AGK: variants seen among roughly 807,000 people sequenced by gnomAD.
The protein encoded by AGK is acylglycerol kinase, also known as acylglycerol kinase, mitochondrial.
In AGK, 52 loss-of-function variants were observed where a neutral mutation model predicts 66.4. The ratio of observed to expected loss-of-function variants is 0.78; its 90% CI spans 0.63 to 0.99. The LOEUF is 0.99. AGK is among the 50% of genes least tolerant of loss of function. The pLI is 0.00. For missense variants in AGK, 451 were observed against 506.6 expected, an observed-to-expected ratio of 0.89 and a Z score of 1.05; for synonymous variants, 182 against 181.1, an observed-to-expected ratio of 1.00 and a Z score of -0.04.
In AGK at chr7:141,565,710, G is replaced by A. The variant is rs1001320807; in HGVS notation, c.101+10143G>A. On this transcript the variant is annotated intron_variant, in intron 2 of 15. Transcript: ENST00000649286. ...ATCCTCCTTCATTCCCTGCATCCAG[G>A]TCATACATTCTAAAGGATTTTGCTC... Among the ~76,000 whole-genome samples, 15 of 151,568 alleles carry A rather than the reference G, an allele frequency of 9.9e-5. 1 individual carries two copies. The highest frequency in any genetic ancestry group is 7.2e-4 in the Admixed American group (11 of 15,218).
intron 2 of AGK, among the ~76,000 whole-genome samples, chr7:141,590,509 G>C (rs1021682200): frequency 2.6e-5 from 4 of 152,166 alleles, no homozygotes; most frequent in Admixed American, 2.6e-4. Flanking sequence ...TGTGCAAGTT[G>C]GACTAGGGGT....
intron 3 of AGK, 60 bp from the exon 4 acceptor site, chr7:141,596,502 C>T (rs1796229251): frequency 1.4e-6 from 2 of 1,437,340 alleles, no homozygotes; most frequent in Non-Finnish European, 2.0e-6. Flanking sequence ...TGAAAGAATA[C>T]ATGTGACATT....
At chr7:141,634,784 A>G (rs1797134860) in intron 10 of AGK, among the ~76,000 whole-genome samples, 1 of 150,828 alleles carries the variant, frequency 6.6e-6, no homozygotes, top group Non-Finnish European at 1.5e-5. Flanking sequence ...TCTCACACAT[A>G]GCTCTCAAGA....
At position 141,561,719 on chromosome 7, in the gene AGK, C is replaced by T. The variant is rs1483008310; in HGVS notation, c.101+6152C>T. 4.6e-5 allele frequency among the ~76,000 whole-genome samples: 7 copies of T among 151,934 alleles called. No homozygotes were observed. In the East Asian group the frequency reaches 1.4e-3, roughly 30 times the overall value. ...CTATGTGATCACAGAGGCTGCCTGC[C>T]TATTGGGGTTTAGGTGCAACTTTCC... is the stretch of plus-strand genomic sequence containing the variant. On this transcript the variant is annotated intron_variant, in intron 2 of 15. Coordinates refer to ENST00000649286, the MANE Select transcript of AGK (RefSeq NM_018238.4).
intron 4 of AGK, chr7:141,597,212 T>C (rs1314953677): frequency 2.0e-5 from 3 of 152,376 alleles, no homozygotes; most frequent in African/African-American, 7.2e-5. Flanking sequence ...CATGTGGGAA[T>C]TGTGGGAATT....
At chr7:141,621,841 A>G (rs1023664014) in intron 9 of AGK, 40 bp downstream of exon 9, 16 of 1,416,700 alleles carry the variant, frequency 1.1e-5, no homozygotes, top group Non-Finnish European at 9.0e-6. Context: ...TTGTGAAAGT[A>G]ATACTCGCTT....
At chr7:141,621,337 G>A (rs1796819210) in intron 8 of AGK, among the ~76,000 whole-genome samples, 1 of 152,148 alleles carries the variant, frequency 6.6e-6, no homozygotes. Flanking sequence ...CTGCCCTTTA[G>A]TTACTCTTCT....
At chr7:141,634,278 T>C in intron 10 of AGK, among the ~76,000 whole-genome samples, 1 of 152,182 alleles carries the variant, frequency 6.6e-6, no homozygotes, top group Admixed American at 6.5e-5. Context: ...AGCTAGGCTG[T>C]AGGGAGAACT....
intron 2 of AGK, among the ~76,000 whole-genome samples, chr7:141,587,520 G>T (rs1005422285): frequency 1.3e-5 from 2 of 152,162 alleles, no homozygotes; most frequent in Non-Finnish European, 2.9e-5. Context: ...TCCCACAGCG[G>T]GTGGCCTCCA....
At chr7:141,623,505 C>T (rs1215039430) in intron 9 of AGK, among the ~76,000 whole-genome samples, 2 of 152,044 alleles carry the variant, frequency 1.3e-5, no homozygotes, top group East Asian at 1.9e-4. Context: ...TTCCCTTAAG[C>T]CACATCCTAA....
At chr7:141,581,739 G>A (rs761609150) in intron 2 of AGK, among the ~76,000 whole-genome samples, 1 of 151,842 alleles carries the variant, frequency 6.6e-6, no homozygotes, top group Non-Finnish European at 1.5e-5. Context: ...GTGGCAATGA[G>A]GTGTGGCTGT....
chr7:141,589,364 A>T (rs1796059255), intron 2 of AGK, among the ~76,000 whole-genome samples: 1 of 152,236 alleles, frequency 6.6e-6, no homozygotes, highest in Admixed American at 6.5e-5. Flanking sequence ...TTTTATTCTG[A>T]CAATGCTGAT....
intron 13 of AGK, 180 bp from the exon 14 acceptor site, chr7:141,649,083 A>G (rs1587174887): frequency 2.2e-6 from 1 of 454,588 alleles, no homozygotes; most frequent in East Asian, 3.3e-5. Context: ...TACCTCAGTA[A>G]AGCTCTTTGT....
intron 8 of AGK, among the ~76,000 whole-genome samples, chr7:141,616,762 CTTT>C (rs577318723): frequency 5.0e-5 from 7 of 140,208 alleles, no homozygotes; most frequent in Admixed American, 7.2e-5. Context: ...CTTTTTCTTT[CTTT>C]TTTTTTTTTT....
intron 13 of AGK, among the ~76,000 whole-genome samples, chr7:141,642,290 A>G (rs1176019453): frequency 6.6e-6 from 1 of 152,168 alleles, no homozygotes; most frequent in Non-Finnish European, 1.5e-5. Flanking sequence ...GTCAAATTAG[A>G]TCCTCAGGAG....
At chr7:141,577,145 G>A (rs1562962616) in intron 2 of AGK, among the ~76,000 whole-genome samples, 1 of 152,162 alleles carries the variant, frequency 6.6e-6, no homozygotes, top group Non-Finnish European at 1.5e-5. Context: ...TAACCTGAAA[G>A]ACTGGTTTGG....
chr7:141,584,828 C>T (rs755202705), intron 2 of AGK, among the ~76,000 whole-genome samples: 1 of 152,224 alleles, frequency 6.6e-6, no homozygotes, highest in East Asian at 1.9e-4. Flanking sequence ...TTTTCACTCA[C>T]ATCTTCTAAG....
intron 1 of AGK, among the ~76,000 whole-genome samples, chr7:141,551,868 C>T (rs773751737): frequency 3.9e-5 from 6 of 152,194 alleles, no homozygotes; most frequent in Admixed American, 6.5e-5. Context: ...GATGGATAGA[C>T]GAACTTGCCC....
intron 2 of AGK, chr7:141,562,079 T>G (rs1347411850): frequency 4.4e-6 from 2 of 456,248 alleles, no homozygotes; most frequent in East Asian, 1.4e-4. Context: ...GGGAATGATG[T>G]AGACTCTGTG....
Sources: allele counts gnomAD v4.1 joint callset (sites outside exome capture counted in the v4.1 genomes callset), GRCh38; gene constraint gnomAD v4.1.1; transcripts MANE v1.5; gene names NCBI Gene and HGNC (gene_info 2026-07-23, HGNC 2026-07-21).